Variants in TMEM132C observed in about 807,000 individuals in gnomAD.
TMEM132C encodes the protein transmembrane protein 132C, also known as protein phosphatase 1, regulatory subunit 152.
Under a neutral mutation model 61.4 loss-of-function variants are expected in TMEM132C, and 29 were observed. The observed-to-expected ratio is 0.47, with a 90% CI of 0.35 to 0.64. TMEM132C has a LOEUF of 0.64. Among genes scored for constraint, TMEM132C ranks in the 30% least tolerant of loss-of-function variants. The pLI, the probability that TMEM132C is intolerant of heterozygous loss-of-function variation, is 0.00. For synonymous variants in TMEM132C, 656 were observed against 633.1 expected, an observed-to-expected ratio of 1.04 and a Z score of -0.54; for missense variants, 1,408 against 1,476.9, an observed-to-expected ratio of 0.95 and a Z score of 0.76.
chr12:128,343,567 T>C (rs1320076234), intron 1 of TMEM132C, among the ~76,000 whole-genome samples: 1 of 152,214 alleles, frequency 6.6e-6, no homozygotes, highest in Non-Finnish European at 1.5e-5. Flanking sequence ...ATTGCAATAT[T>C]CCACTAAATC....
At chr12:128,317,751 G>T (rs913453389) in intron 1 of TMEM132C, among the ~76,000 whole-genome samples, 2 of 152,162 alleles carry the variant, frequency 1.3e-5, no homozygotes, top group Non-Finnish European at 2.9e-5. Flanking sequence ...CAGTCTTGGT[G>T]ACACCCACCT....
At chr12:128,698,091 G>A (rs149811165) in intron 8 of TMEM132C, among the ~76,000 whole-genome samples, 77 of 152,258 alleles carry the variant, frequency 5.1e-4, no homozygotes, top group Admixed American at 2.2e-3. Flanking sequence ...GAAGCCCCCT[G>A]TTCATCGCTC....
intron 2 of TMEM132C, among the ~76,000 whole-genome samples, chr12:128,504,880 A>G (rs1472387154): frequency 1.3e-5 from 2 of 151,476 alleles, no homozygotes; most frequent in Non-Finnish European, 2.9e-5. Flanking sequence ...TTTAACTGCA[A>G]AGTCTTAAAT....
At chr12:128,501,176 C>T (rs1259384599) in intron 2 of TMEM132C, among the ~76,000 whole-genome samples, 1 of 152,006 alleles carries the variant, frequency 6.6e-6, no homozygotes, top group Non-Finnish European at 1.5e-5. Flanking sequence ...ATAACTAAGA[C>T]TCTATTCCAT....
At chr12:128,400,637 C>A (rs1875124032) in intron 1 of TMEM132C, among the ~76,000 whole-genome samples, 1 of 147,468 alleles carries the variant, frequency 6.8e-6, no homozygotes, top group Non-Finnish European at 1.5e-5. Flanking sequence ...GGGATGGAGT[C>A]TCGCTCTGTT....
intron 2 of TMEM132C, among the ~76,000 whole-genome samples, chr12:128,536,538 A>AAAAAGAG (rs1555230570): frequency 3.3e-5 from 5 of 151,172 alleles, no homozygotes; most frequent in African/African-American, 1.2e-4. Flanking sequence ...ATGAAAAAAA[A>AAAAAGAG]AGAGAAGGTG....
intron 2 of TMEM132C, among the ~76,000 whole-genome samples, chr12:128,539,424 G>T (rs926415732): frequency 6.6e-6 from 1 of 152,156 alleles, no homozygotes; most frequent in African/African-American, 2.4e-5. Context: ...AGACCATCCT[G>T]ACTAACACGG....
At chr12:128,306,461 C>T (rs1033395045) in intron 1 of TMEM132C, among the ~76,000 whole-genome samples, 2 of 152,092 alleles carry the variant, frequency 1.3e-5, no homozygotes, top group African/African-American at 2.4e-5. Context: ...CTCGGCCTCC[C>T]AAAGTGCTGG....
chr12:128,501,311 C>A (rs1018399329), intron 2 of TMEM132C, among the ~76,000 whole-genome samples: 1 of 152,192 alleles, frequency 6.6e-6, no homozygotes, highest in Admixed American at 6.5e-5. Context: ...ATTTTGAAAT[C>A]TTGATGCACA....
At chr12:128,473,326 A>ATCCTCACGCCAGCCTCCT (rs1235337219) in intron 2 of TMEM132C, among the ~76,000 whole-genome samples, 265 of 145,776 alleles carry the variant, frequency 1.8e-3, no homozygotes, top group Middle Eastern at 7.2e-3. Context: ...CTCTATCTTC[A>ATCCTCACGCCAGCCTCCT]TCTTCAGTCC....
intron 2 of TMEM132C, among the ~76,000 whole-genome samples, chr12:128,434,695 G>A (rs576462563): frequency 9.2e-5 from 14 of 152,024 alleles, no homozygotes; most frequent in Non-Finnish European, 1.8e-4. Context: ...CTCTGCCTCC[G>A]GGGTTCAAGC....
At chr12:128,663,482 C>T (rs1432379347) in intron 4 of TMEM132C, among the ~76,000 whole-genome samples, 7 of 152,222 alleles carry the variant, frequency 4.6e-5, no homozygotes, top group Non-Finnish European at 1.5e-5. Flanking sequence ...CTTTTCTACT[C>T]TGCAGGAGAA....
intron 1 of TMEM132C, among the ~76,000 whole-genome samples, chr12:128,350,220 TG>T (rs2135961940): frequency 6.6e-6 from 1 of 152,278 alleles, no homozygotes; most frequent in South Asian, 2.1e-4. Flanking sequence ...TTAAGCAGTT[TG>T]GGGGCTGAGG....
intron 2 of TMEM132C, among the ~76,000 whole-genome samples, chr12:128,432,121 A>T (rs1289315597): frequency 6.6e-6 from 1 of 152,206 alleles, no homozygotes; most frequent in Non-Finnish European, 1.5e-5. Context: ...TCAAAATATG[A>T]CTGCTCACTG....
In TMEM132C at chr12:128,605,113, TGATA is replaced by T. The variant is rs3044839; in HGVS notation, c.1122-11018_1122-11015del. 1.0e-3 allele frequency among the ~76,000 whole-genome samples: 157 copies of T among 151,036 alleles called. 1 individual carries two copies. Among genetic ancestry groups the T allele is most frequent in the East Asian group, 4.3e-3 (22 of 5,074 alleles). Reference sequence around the variant, plus strand: ...ATGGATGGATGAATAGACAGATAAATGATAGATAGATAGATAGATAGATACATAG... The same window carrying T: ...ATGGATGGATGAATAGACAGATAAATGATAGATAGATAGATAGATACATAG... On this transcript the variant is annotated intron_variant, in intron 3 of 8. Coordinates refer to ENST00000435159, the MANE Select transcript of TMEM132C (RefSeq NM_001136103.3).
intron 4 of TMEM132C, among the ~76,000 whole-genome samples, chr12:128,667,634 A>C (rs1954491964): frequency 6.6e-6 from 1 of 152,188 alleles, no homozygotes; most frequent in South Asian, 2.1e-4. Context: ...AACGGAGAAA[A>C]TCTTTTTCCA....
intron 2 of TMEM132C, among the ~76,000 whole-genome samples, chr12:128,533,048 T>C (rs980105288): frequency 6.6e-6 from 1 of 152,144 alleles, no homozygotes; most frequent in African/African-American, 2.4e-5. Flanking sequence ...TGTGGGAGTC[T>C]TATTCTAGTG....
chr12:128,523,296 G>C (rs1205548362), intron 2 of TMEM132C, among the ~76,000 whole-genome samples: 4 of 152,176 alleles, frequency 2.6e-5, no homozygotes, highest in Non-Finnish European at 4.4e-5. Context: ...AATGGGTGCA[G>C]AGTTTCATTT....
chr12:128,403,622 T>A (rs1470906779), intron 1 of TMEM132C, among the ~76,000 whole-genome samples: 1 of 152,220 alleles, frequency 6.6e-6, no homozygotes, highest in Non-Finnish European at 1.5e-5. Flanking sequence ...CTTAGTTTAT[T>A]GCTTTAAGTG....
Sources: allele counts gnomAD v4.1 joint callset (sites outside exome capture counted in the v4.1 genomes callset), GRCh38; gene constraint gnomAD v4.1.1; transcripts MANE v1.5; gene names NCBI Gene and HGNC (gene_info 2026-07-23, HGNC 2026-07-21).